Variants in FAM227B observed in about 807,000 individuals in gnomAD.
FAM227B encodes the protein protein FAM227B.
A neutral mutation model predicts 73.8 loss-of-function variants in FAM227B; 88 were observed. That is an observed-to-expected ratio of 1.19 (90% CI 1.00 to 1.42). The LOEUF is 1.42. Among genes scored for constraint, FAM227B ranks in the 40% most tolerant of loss-of-function variants. The probability of loss-of-function intolerance (pLI) is 0.00; values close to 1 mark genes in which losing one functional copy is unlikely to be tolerated. For synonymous variants in FAM227B, 210 were observed against 190.5 expected (o/e 1.10, Z -0.84); for missense variants, 632 against 590.9 (o/e 1.07, Z -0.72).
chr15:49,388,286 C>T (rs1313368113), intron 11 of FAM227B, among the ~76,000 whole-genome samples: 1 of 151,546 alleles, frequency 6.6e-6, no homozygotes, highest in East Asian at 1.9e-4. Flanking sequence ...AAGTGGGCAC[C>T]TAGACCAAAG....
Position 49,575,035 on chromosome 15 carries a change from C to T in FAM227B, c.621G>A (p.Trp207Ter), listed in dbSNP as rs147299587. ...CCCTAAATTTATGGAGAAACCACCACCAAAAGGAGTCATGCAAAAGAGCAA... is the reference window on the plus strand; with the variant it reads ...CCCTAAATTTATGGAGAAACCACCATCAAAAGGAGTCATGCAAAAGAGCAA... ...ASIALLHDSF[W>*]WWFLHKFRPD... The change falls in exon 8 of 16, where the codon TGG becomes TGA. Residue 207 changes from tryptophan to a stop codon, truncating the protein, a stop_gained. Transcript: ENST00000299338. LOFTEE classifies it high-confidence loss of function. 3.2e-4 allele frequency: 504 copies of T among 1,593,678 alleles called. No individual in the cohort carries two copies. Among genetic ancestry groups the T allele is most frequent in the Non-Finnish European group, 3.9e-4 (451 of 1,168,868 alleles).
chr15:49,416,334 T>G (rs2151709378), intron 11 of FAM227B, among the ~76,000 whole-genome samples: 1 of 151,990 alleles, frequency 6.6e-6, no homozygotes, highest in South Asian at 2.1e-4. Flanking sequence ...GTAAGATTGG[T>G]TATATGGCAT....
intron 11 of FAM227B, among the ~76,000 whole-genome samples, chr15:49,384,927 G>A (rs1389188274): frequency 2.0e-5 from 3 of 151,816 alleles, no homozygotes; most frequent in Non-Finnish European, 4.4e-5. Context: ...ATACTATTCT[G>A]TTTTTCAGAC....
intron 11 of FAM227B, among the ~76,000 whole-genome samples, chr15:49,499,391 G>GA (rs2057947856): frequency 6.6e-6 from 1 of 151,930 alleles, no homozygotes; most frequent in South Asian, 2.1e-4. Context: ...ACATTGCTGA[G>GA]AAAAATTAAA....
intron 11 of FAM227B, among the ~76,000 whole-genome samples, chr15:49,469,686 G>T (rs988290022): frequency 6.6e-6 from 1 of 152,036 alleles, no homozygotes; most frequent in Admixed American, 6.6e-5. Context: ...AACTTCATTT[G>T]CAAGAACTAA....
In FAM227B at chr15:49,353,177, G is replaced by A. The variant is rs1236941486; in HGVS notation, c.1271+14271C>T. On this transcript the variant is annotated intron_variant, in intron 13 of 15. Coordinates refer to ENST00000299338, the MANE Select transcript of FAM227B (RefSeq NM_152647.3). ...CAAATTCCTCCAACAAAATCATAGG[G>A]ACTTGAAATTTATTTAGTCCAATTC... Among the ~76,000 whole-genome samples the A allele has an allele frequency of 2.0e-5, 3 of 152,178 alleles. No homozygotes were observed. In the East Asian group the frequency reaches 5.8e-4, roughly 29 times the overall value.
intron 13 of FAM227B, among the ~76,000 whole-genome samples, chr15:49,337,987 T>C (rs2040051195): frequency 6.6e-6 from 1 of 152,206 alleles, no homozygotes. Context: ...GTCTTTATAG[T>C]AGAATGATTT....
chr15:49,377,213 G>T (rs1372655683), intron 11 of FAM227B, among the ~76,000 whole-genome samples: 1 of 151,920 alleles, frequency 6.6e-6, no homozygotes, highest in Non-Finnish European at 1.5e-5. Flanking sequence ...TCTTTTTATG[G>T]CTGAATAGTA....
At chr15:49,545,622 C>G (rs985488083) in intron 9 of FAM227B, among the ~76,000 whole-genome samples, 3 of 152,120 alleles carry the variant, frequency 2.0e-5, no homozygotes, top group African/African-American at 7.2e-5. Flanking sequence ...TTGATATAGA[C>G]ATTTAATGCT....
rs1466162378 is a variant in FAM227B at position 49,615,387 on chromosome 15, T to C, written c.-72-144A>G. 1.9e-5 allele frequency: 11 copies of C among 579,994 alleles called. No individual in the cohort carries two copies. The Admixed American group carries it at 2.3e-4, about 12-fold the overall frequency. 35.9% of individuals were successfully genotyped at this position (579,994 alleles called of 1,614,324 possible). A position where few individuals can be genotyped will look rare whatever the true frequency, so the allele number is the denominator to read the frequency against. On this transcript the variant is annotated intron_variant, in intron 1 of 15. Coordinates refer to ENST00000299338, the MANE Select transcript of FAM227B (RefSeq NM_152647.3). ...TCCACTCAAATCTCATGTTGAACTG[T>C]TGGAATCCCCAGTGTTGGAGGTGGG...
chr15:49,596,594 T>G (rs1308894001), intron 3 of FAM227B, among the ~76,000 whole-genome samples: 3 of 151,920 alleles, frequency 2.0e-5, no homozygotes, highest in African/African-American at 7.2e-5. Context: ...AAGTAACAAC[T>G]GGCATGATGA....
chr15:49,442,398 G>A (rs999721481), intron 11 of FAM227B, among the ~76,000 whole-genome samples: 1 of 151,640 alleles, frequency 6.6e-6, no homozygotes, highest in Non-Finnish European at 1.5e-5. Flanking sequence ...TGAGTACCTT[G>A]TGAGAGTAAA....
intron 10 of FAM227B, among the ~76,000 whole-genome samples, chr15:49,529,419 T>C (rs1394710588): frequency 6.6e-6 from 1 of 151,706 alleles, no homozygotes; most frequent in Non-Finnish European, 1.5e-5. Flanking sequence ...AATATCACCA[T>C]TGCACAATAT....
At chr15:49,489,862 A>ATATATATATATATATATATATTT (rs2056869019) in intron 11 of FAM227B, among the ~76,000 whole-genome samples, 1 of 6,392 alleles carries the variant, frequency 1.6e-4, no homozygotes, top group East Asian at 4.6e-3. Context: ...TATATATTTT[A>ATATATATATATATATATATATTT]TATATATATA....
At chr15:49,541,254 C>T (rs1046661234) in intron 10 of FAM227B, among the ~76,000 whole-genome samples, 2 of 152,102 alleles carry the variant, frequency 1.3e-5, no homozygotes, top group African/African-American at 2.4e-5. Flanking sequence ...CCTACACACA[C>T]ACAGTGATTC....
chr15:49,548,987 C>A (rs1329233950), intron 9 of FAM227B, among the ~76,000 whole-genome samples: 10 of 152,040 alleles, frequency 6.6e-5, no homozygotes, highest in Admixed American at 2.0e-4. Context: ...CATTTGTTTT[C>A]ATTTCAATTT....
rs544719236 is a variant in FAM227B at position 49,551,515 on chromosome 15, C to T, written c.748-9709G>A. Among the ~76,000 whole-genome samples the T allele has an allele frequency of 6.6e-5, 10 of 151,988 alleles. No homozygotes were observed. The South Asian group carries it at 1.5e-3, about 22-fold the overall frequency. ...TTTATAGGTGAAGTGTGTTTTTTGT[C>T]GGCAACAGAACAATGAGTCTTGTTT... On this transcript the variant is annotated intron_variant, in intron 9 of 15. Coordinates refer to ENST00000299338, the MANE Select transcript of FAM227B (RefSeq NM_152647.3).
chr15:49,359,123 A>G (rs1337368458), intron 13 of FAM227B, among the ~76,000 whole-genome samples: 2 of 151,024 alleles, frequency 1.3e-5, no homozygotes, highest in Admixed American at 1.3e-4. Context: ...TAGACCTAAA[A>G]CCATAAAAAC....
intron 11 of FAM227B, among the ~76,000 whole-genome samples, chr15:49,431,927 C>T (rs1188041948): frequency 6.6e-6 from 1 of 151,458 alleles, no homozygotes; most frequent in Admixed American, 6.6e-5. Context: ...ATTGAAATAA[C>T]AATTTCAGAT....
Sources: allele counts gnomAD v4.1 joint callset (sites outside exome capture counted in the v4.1 genomes callset), GRCh38; gene constraint gnomAD v4.1.1; transcripts MANE v1.5; gene names NCBI Gene and HGNC (gene_info 2026-07-23, HGNC 2026-07-21).